Variants in MEIG1 observed in about 807,000 individuals in gnomAD.
The protein encoded by MEIG1 is meiosis/spermiogenesis associated 1.
In MEIG1, 12 loss-of-function variants were observed where a neutral mutation model predicts 11.3. That is an observed-to-expected ratio of 1.07 (90% CI 0.68 to 1.73). The LOEUF (loss-of-function observed/expected upper bound fraction) is 1.73, where lower values mean the gene tolerates loss of function less well. Among genes scored for constraint, MEIG1 ranks in the 40% most tolerant of loss-of-function variants. MEIG1 has a pLI of 0.00. For synonymous variants in MEIG1, 41 were observed against 33.2 expected, an observed-to-expected ratio of 1.24 and a Z score of -0.81; for missense variants, 119 against 104.9, an observed-to-expected ratio of 1.13 and a Z score of -0.59.
chr10:14,976,621 T>A (rs1450926642), downstream of MEIG1, among the ~76,000 whole-genome samples: 1 of 152,104 alleles, frequency 6.6e-6, no homozygotes, highest in African/African-American at 2.4e-5. Context: ...TAGGGAAATG[T>A]GACTTTTAAT....
intron 1 of MEIG1, among the ~76,000 whole-genome samples, chr10:14,963,998 T>C (rs1843047093): frequency 6.7e-6 from 1 of 150,020 alleles, no homozygotes; most frequent in Non-Finnish European, 1.5e-5. Flanking sequence ...CTCAGGAGGC[T>C]GAGGCAGGAG....
intron 1 of MEIG1, among the ~76,000 whole-genome samples, chr10:14,982,924 TA>T (rs1843279828): frequency 6.6e-6 from 1 of 152,150 alleles, no homozygotes; most frequent in Admixed American, 6.5e-5. Context: ...AAAACAGTCA[TA>T]TTAGCTCCTA....
chr10:14,967,512 T>A (rs1174769041), intron 2 of MEIG1, among the ~76,000 whole-genome samples: 1 of 151,664 alleles, frequency 6.6e-6, no homozygotes. Flanking sequence ...ATATTTTTTT[T>A]TTTTTTTTTT....
chr10:14,973,243 G>A (rs1213994065), downstream of MEIG1, among the ~76,000 whole-genome samples: 2 of 152,094 alleles, frequency 1.3e-5, no homozygotes, highest in East Asian at 3.9e-4. Flanking sequence ...GGTTAGACTA[G>A]TGACATATTT....
chr10:14,961,285 A>G (rs1483230435), intron 1 of MEIG1, among the ~76,000 whole-genome samples: 2 of 152,154 alleles, frequency 1.3e-5, no homozygotes, highest in Non-Finnish European at 2.9e-5. Flanking sequence ...TTGCGTGGGT[A>G]CTCGAATTAC....
downstream of MEIG1, among the ~76,000 whole-genome samples, chr10:14,974,803 A>C (rs1383252064): frequency 6.6e-6 from 1 of 152,078 alleles, no homozygotes; most frequent in African/African-American, 2.4e-5. Context: ...CAGTCATATT[A>C]GCTCTTAATA....
chr10:14,975,406 G>C (rs1230956602), downstream of MEIG1, among the ~76,000 whole-genome samples: 5 of 152,028 alleles, frequency 3.3e-5, no homozygotes, highest in South Asian at 2.1e-4. Flanking sequence ...CTCCCAATAT[G>C]GCAGGGGGTC....
chr10:14,959,545 G>C lies in MEIG1; in HGVS notation c.-42G>C, dbSNP rs1158963677. ...GGCGGAACGAGGATAACCCAGTAGA[G>C]CCGGACCCAGGGGTGGGTGGATGCG... On this transcript the variant is annotated 5_prime_UTR_variant, in exon 1 of 3. Coordinates refer to ENST00000407572, the MANE Select transcript of MEIG1 (RefSeq NM_001080836.3). The C allele has an allele frequency of 6.6e-6, 1 of 152,332 alleles. No individual in the cohort carries two copies. 9.4% of individuals were successfully genotyped at this position (152,332 alleles called of 1,614,324 possible).
upstream of MEIG1, chr10:14,954,493 G>A: frequency 3.9e-6 from 1 of 257,382 alleles, no homozygotes; most frequent in South Asian, 4.4e-5. Context: ...TCTCTCTTCT[G>A]TTCCCAATTT....
intron 2 of MEIG1, chr10:14,987,545 C>A (rs558965552): frequency 7.7e-6 from 5 of 652,838 alleles, no homozygotes; most frequent in Non-Finnish European, 1.1e-5. Context: ...CATCTTTACA[C>A]TTGCAGACCA....
At chr10:14,978,073 T>G (rs1274343134) in intron 1 of MEIG1, among the ~76,000 whole-genome samples, 1 of 151,870 alleles carries the variant, frequency 6.6e-6, no homozygotes, top group Non-Finnish European at 1.5e-5. Context: ...CACCCTGTAA[T>G]GTTATTCGTA....
chr10:14,977,718 T>C (rs1385203544), downstream of MEIG1, among the ~76,000 whole-genome samples: 1 of 152,010 alleles, frequency 6.6e-6, no homozygotes, highest in Non-Finnish European at 1.5e-5. Context: ...ACATTACTTC[T>C]AGTAACCCAC....
At chr10:14,981,224 G>A (rs1261103209) in intron 1 of MEIG1, among the ~76,000 whole-genome samples, 2 of 148,338 alleles carry the variant, frequency 1.3e-5, no homozygotes, top group Admixed American at 1.3e-4. Context: ...GCCAGAGCTG[G>A]TCTTCTCTCT....
chr10:14,983,236 T>C (rs12241798), intron 1 of MEIG1, among the ~76,000 whole-genome samples: 19,204 of 151,962 alleles, frequency 0.13, 1,361 homozygotes, highest in Middle Eastern at 0.23. Flanking sequence ...GCACTGGGTG[T>C]GCATCCACCC....
chr10:14,971,116 G>C (rs1378320854), intron 2 of MEIG1, among the ~76,000 whole-genome samples: 2 of 151,850 alleles, frequency 1.3e-5, no homozygotes, highest in East Asian at 3.9e-4. Context: ...ACTGGGGACA[G>C]TGGCTCACAC....
At chr10:14,970,724 CAT>C (rs751794585) in intron 2 of MEIG1, among the ~76,000 whole-genome samples, 2 of 152,204 alleles carry the variant, frequency 1.3e-5, no homozygotes, top group Non-Finnish European at 2.9e-5. Context: ...AAGTAAAAGA[CAT>C]GTGGACACAG....
At chr10:14,957,937 C>A (rs561847299), upstream of MEIG1, among the ~76,000 whole-genome samples, 1 of 152,190 alleles carries the variant, frequency 6.6e-6, no homozygotes, top group Admixed American at 6.5e-5. Flanking sequence ...TGAGCCACCG[C>A]GCCCGGCCTT....
chr10:14,979,953 G>A (rs763478558), intron 1 of MEIG1, among the ~76,000 whole-genome samples: 2 of 151,898 alleles, frequency 1.3e-5, no homozygotes, highest in Non-Finnish European at 2.9e-5. Flanking sequence ...GTAATCCAGG[G>A]GGATAATTAC....
chr10:14,987,307 G>A (rs913994700), intron 2 of MEIG1: 2 of 806,028 alleles, frequency 2.5e-6, no homozygotes, highest in East Asian at 2.6e-5. Flanking sequence ...TGCTGAGCAG[G>A]TTCCTCAGAA....
Sources: gnomAD v4.1 joint callset for allele counts (sites outside exome capture counted in the v4.1 genomes callset) on GRCh38, gnomAD v4.1.1 for gene constraint, MANE v1.5 for transcripts, NCBI Gene and HGNC (gene_info 2026-07-23, HGNC 2026-07-21) for gene names.